The following DIP2C variants were observed in gnomAD, a reference collection of about 807,000 sequenced individuals.
DIP2C encodes the protein DIP2 acetate--CoA ligase C (putative).
DIP2C carries 33 observed loss-of-function variants against 192.4 expected under a neutral mutation model. The observed-to-expected ratio is 0.17, with a 90% CI of 0.13 to 0.23. The LOEUF (loss-of-function observed/expected upper bound fraction) is 0.23, where lower values mean the gene tolerates loss of function less well. Among genes scored for constraint, DIP2C ranks in the 10% least tolerant of loss-of-function variants. The pLI, the probability that DIP2C is intolerant of heterozygous loss-of-function variation, is 1.00. For synonymous variants in DIP2C, 979 were observed against 864.1 expected, an observed-to-expected ratio of 1.13 and a Z score of -2.33; for missense variants, 1,537 against 2,110.1, an observed-to-expected ratio of 0.73 and a Z score of 5.32.
chr10:457,409 C>T (rs1383683813), intron 3 of DIP2C, among the ~76,000 whole-genome samples: 1 of 152,312 alleles, frequency 6.6e-6, no homozygotes, highest in South Asian at 2.1e-4. Flanking sequence ...TCATTTTTCA[C>T]CTGAAATACA....
chr10:530,839 C>T lies in DIP2C; in HGVS notation c.86-44309G>A, dbSNP rs115260887. ...GAGGAAGGTTGGCCCCAAAGCCCCA[C>T]GGCACTAACTCCTGTACAGTTTGTT... On this transcript the variant is annotated intron_variant, in intron 1 of 36. Coordinates refer to ENST00000280886, the MANE Select transcript of DIP2C (RefSeq NM_014974.3). Among the ~76,000 whole-genome samples the T allele has an allele frequency of 5.4e-3, 828 of 152,214 alleles. 10 individuals are homozygous for T. The highest frequency in any genetic ancestry group is 0.019 in the African/African-American group (777 of 41,520).
chr10:538,291 G>C (rs1336938359), intron 1 of DIP2C, among the ~76,000 whole-genome samples: 2 of 152,030 alleles, frequency 1.3e-5, no homozygotes, highest in African/African-American at 4.8e-5. Flanking sequence ...CAAGTAGCTA[G>C]GACTACAGGT....
chr10:501,321 A>G (rs1845209556), intron 1 of DIP2C, among the ~76,000 whole-genome samples: 1 of 128,824 alleles, frequency 7.8e-6, no homozygotes, highest in African/African-American at 2.5e-5. Flanking sequence ...AATAATTAAG[A>G]ATATACTTTA....
intron 3 of DIP2C, among the ~76,000 whole-genome samples, chr10:472,187 A>G (rs1021492766): frequency 6.6e-6 from 1 of 152,228 alleles, no homozygotes; most frequent in Admixed American, 6.5e-5. Context: ...AAAATTTGGC[A>G]CGAGATTATA....
chr10:340,632 C>A, intron 29 of DIP2C: 1 of 396,336 alleles, frequency 2.5e-6, no homozygotes, highest in Middle Eastern at 3.6e-4. Context: ...TATAATCAGA[C>A]AAAAAAGCCA....
intron 1 of DIP2C, among the ~76,000 whole-genome samples, chr10:570,772 A>G (rs1849744823): frequency 6.6e-6 from 1 of 152,240 alleles, no homozygotes; most frequent in African/African-American, 2.4e-5. Context: ...ACTACCTTGC[A>G]TGAGGCAACC....
rs1286052328 is a variant in DIP2C, at chr10:327,135, A to G, written c.3795T>C (p.Val1265=). 2 of 1,614,006 alleles carry G rather than the reference A, an allele frequency of 1.2e-6. No individual in the cohort carries two copies. The highest frequency in any genetic ancestry group is 1.7e-6 in the Non-Finnish European group (2 of 1,180,034). The part of the protein sequence containing the change: ...LDLSRVRTCV[V]VAEERPRIAL... The stretch of plus-strand genomic sequence containing the variant: ...CGATCCGAGGCCTCTCTTCCGCCAC[A>G]ACCACGCAGGTCCTCACTCGGGACA... The change falls in exon 31 of 37, where the codon GTT becomes GTC. Residue 1265 remains valine (V), a synonymous_variant. Coordinates refer to ENST00000280886, the MANE Select transcript of DIP2C (RefSeq NM_014974.3).
rs564355045 is a variant in DIP2C, at chr10:281,629, G to A, written c.4295-306C>T. Among the ~76,000 whole-genome samples the A allele has an allele frequency of 1.4e-4, 22 of 152,336 alleles. 1 individual carries two copies. In the South Asian group the frequency reaches 4.4e-3, roughly 30 times the overall value. On this transcript the variant is annotated intron_variant, in intron 35 of 36. Transcript: ENST00000280886. ...CAACTGCCTGATTGCATGTTCATCG[G>A]GAGCAACTGAGGGGCGAAGTCGGCA...
chr10:570,082 A>G (rs1352059790), intron 1 of DIP2C, among the ~76,000 whole-genome samples: 1 of 152,162 alleles, frequency 6.6e-6, no homozygotes, highest in Non-Finnish European at 1.5e-5. Context: ...CAAGGCTGCC[A>G]CTGCCACGAC....
chr10:440,915 C>T lies in DIP2C; in HGVS notation c.350G>A (p.Arg117Lys). ...CATCGAGGTCTGCACGACCAGGGAC[C>T]TGCGTTTGGAAGGCATAGGCACTGC... is the stretch of plus-strand genomic sequence containing the variant. ...KMAVPMPSKR[R>K]SLVVQTSMDA... Residue 117 changes from arginine to lysine, a missense_variant, in exon 4 of 37, where the codon AGG (arginine) becomes AAG (lysine). Arg to Lys is a conservative substitution (Grantham distance 26, BLOSUM62 2). This residue lies in a region of DIP2C where 473 missense variants were observed against 539.6 expected (regional missense o/e 0.88). Transcript: ENST00000280886. 3 of 1,613,872 alleles carry T rather than the reference C, an allele frequency of 1.9e-6. No homozygotes were observed. The highest frequency in any genetic ancestry group is 2.5e-6 in the Non-Finnish European group (3 of 1,180,038).
At chr10:447,452 C>CA (rs1454998890) in intron 3 of DIP2C, among the ~76,000 whole-genome samples, 2 of 150,164 alleles carry the variant, frequency 1.3e-5, no homozygotes, top group African/African-American at 2.5e-5. Flanking sequence ...CACAGTGGGG[C>CA]AGCAGGACCC....
At chr10:431,683 A>T (rs879775432) in intron 4 of DIP2C, among the ~76,000 whole-genome samples, 2 of 152,240 alleles carry the variant, frequency 1.3e-5, no homozygotes, top group Non-Finnish European at 2.9e-5. Context: ...CAAACATGCC[A>T]TCTATGAACA....
chr10:281,118 T>C (rs1266006665), intron 36 of DIP2C, 82 bp downstream of exon 36: 27 of 1,567,822 alleles, frequency 1.7e-5, no homozygotes, highest in Non-Finnish European at 2.4e-5. Flanking sequence ...AAAACTCTCC[T>C]CCACCGCCGT....
rs753743314 is a variant in DIP2C at position 384,198 on chromosome 10, C to T, written c.1757-52G>A. 5 of 1,596,570 alleles carry T rather than the reference C, an allele frequency of 3.1e-6. 1 individual carries two copies. The South Asian group carries it at 5.7e-5, about 18-fold the overall frequency. On this transcript the variant is annotated intron_variant, in intron 15 of 36. Coordinates refer to ENST00000280886, the MANE Select transcript of DIP2C (RefSeq NM_014974.3). ...ACATGTGCCACCGTCAGATCGTCCCCTATTGCAAAAGAGAGATCATTGTGA... is the reference window on the plus strand; with the variant it reads ...ACATGTGCCACCGTCAGATCGTCCCTTATTGCAAAAGAGAGATCATTGTGA...
At position 568,942 on chromosome 10, in the gene DIP2C, A is replaced by G. The variant is rs186681775; in HGVS notation, c.86-82412T>C. 2.9e-3 allele frequency among the ~76,000 whole-genome samples: 442 copies of G among 152,238 alleles called. 5 individuals carry two copies. The highest frequency in any genetic ancestry group is 0.01 in the African/African-American group (421 of 41,526). On this transcript the variant is annotated intron_variant, in intron 1 of 36. Coordinates refer to ENST00000280886, the MANE Select transcript of DIP2C (RefSeq NM_014974.3). ...CTCCGTATTTTAGATGGCCTGCAACAAGGAGGAAATGAACAGCTGTGCCAG... is the reference window on the plus strand; with the variant it reads ...CTCCGTATTTTAGATGGCCTGCAACGAGGAGGAAATGAACAGCTGTGCCAG...
At chr10:536,929 A>C (rs1369725525) in intron 1 of DIP2C, among the ~76,000 whole-genome samples, 1 of 152,170 alleles carries the variant, frequency 6.6e-6, no homozygotes, top group African/African-American at 2.4e-5. Flanking sequence ...TTTTCCCAGA[A>C]CTTATCATCC....
At chr10:532,598 A>AGAGAGAGTATGGGTGT (rs1847446057) in intron 1 of DIP2C, among the ~76,000 whole-genome samples, 1 of 124,204 alleles carries the variant, frequency 8.1e-6, no homozygotes, top group African/African-American at 3.3e-5. Flanking sequence ...TATGGGTGTG[A>AGAGAGAGTATGGGTGT]GAGAGAGTAT....
intron 1 of DIP2C, among the ~76,000 whole-genome samples, chr10:679,971 C>A (rs967490017): frequency 2.0e-5 from 3 of 152,204 alleles, no homozygotes; most frequent in Admixed American, 2.0e-4. Flanking sequence ...GAGATGAGCG[C>A]ATCTGATCCA....
At chr10:655,770 TATA>T (rs1331226978) in intron 1 of DIP2C, among the ~76,000 whole-genome samples, 457 of 152,078 alleles carry the variant, frequency 3.0e-3, no homozygotes, top group African/African-American at 9.2e-3. Flanking sequence ...TACTATACTA[TATA>T]ATGTTACACT....
Sources: gnomAD v4.1 joint callset for allele counts (sites outside exome capture counted in the v4.1 genomes callset) on GRCh38, gnomAD v4.1.1 for gene constraint, gnomAD v4.1.1 regional missense constraint, MANE v1.5 for transcripts, NCBI Gene and HGNC (gene_info 2026-07-23, HGNC 2026-07-21) for gene names.